The following ACSS2 variants were observed in gnomAD, a reference collection of about 807,000 sequenced individuals.
The protein encoded by ACSS2 is acetyl-coenzyme A synthetase, cytoplasmic.
Under a neutral mutation model 90.6 loss-of-function variants are expected in ACSS2, and 58 were observed. The ratio of observed to expected loss-of-function variants is 0.64; its 90% CI spans 0.52 to 0.80. The LOEUF (loss-of-function observed/expected upper bound fraction) is 0.80, where lower values mean the gene tolerates loss of function less well. ACSS2 is among the 30% of genes least tolerant of loss of function. The pLI is 0.00. For missense variants in ACSS2, 759 were observed against 912.0 expected, an observed-to-expected ratio of 0.83 and a Z score of 2.16; for synonymous variants, 300 against 330.9, an observed-to-expected ratio of 0.91 and a Z score of 1.01.
At chr20:34,883,900 A>G (rs1313653930) in intron 2 of ACSS2, among the ~76,000 whole-genome samples, 2 of 152,176 alleles carry the variant, frequency 1.3e-5, no homozygotes, top group African/African-American at 2.4e-5. Flanking sequence ...GCCACAATCT[A>G]TGAGCACTCA....
intron 1 of ACSS2, among the ~76,000 whole-genome samples, chr20:34,877,107 G>A (rs1332186801): frequency 6.6e-6 from 1 of 152,172 alleles, no homozygotes; most frequent in Non-Finnish European, 1.5e-5. Context: ...GGTTCCTTGA[G>A]ATTGGGACGG....
intron 2 of ACSS2, among the ~76,000 whole-genome samples, chr20:34,896,245 A>G (rs769018483): frequency 1.3e-5 from 2 of 152,240 alleles, no homozygotes; most frequent in Non-Finnish European, 2.9e-5. Context: ...AGCTGGCAAG[A>G]GGACAGGGTA....
In ACSS2 at chr20:34,899,386, C is replaced by T. The variant is rs568406798; in HGVS notation, c.375-13710C>T. On this transcript the variant is annotated intron_variant, in intron 2 of 17. Transcript: ENST00000360596. Reference sequence around the variant, plus strand: ...CCTCTCAACGTTATCACATTTTTTTCTTTCTTTCTTTCTTTCCTTCTTTCT... The same window carrying T: ...CCTCTCAACGTTATCACATTTTTTTTTTTCTTTCTTTCTTTCCTTCTTTCT... Among the ~76,000 whole-genome samples, 7 of 124,880 alleles carry T rather than the reference C, an allele frequency of 5.6e-5. No individual in the cohort carries two copies. The East Asian group carries it at 8.6e-4, about 15-fold the overall frequency. The allele number at this position is 124,880 out of a possible 152,430, so 81.9% of individuals were successfully genotyped here.
intron 8 of ACSS2, 22 bp from the exon 9 acceptor site, chr20:34,920,517 C>CTGT (rs2081172981): frequency 6.2e-7 from 1 of 1,611,402 alleles, no homozygotes. Context: ...AGACCCTAAC[C>CTGT]TGTTCCCCAT....
intron 2 of ACSS2, among the ~76,000 whole-genome samples, chr20:34,897,532 C>A (rs1168090400): frequency 6.6e-6 from 1 of 152,058 alleles, no homozygotes; most frequent in Admixed American, 6.6e-5. Flanking sequence ...TGTTATAGGC[C>A]GGATGCAGTG....
At chr20:34,882,658 G>T in intron 1 of ACSS2, 136 bp from the exon 2 acceptor site, 1 of 715,726 alleles carries the variant, frequency 1.4e-6, no homozygotes, top group Non-Finnish European at 2.3e-6. Flanking sequence ...AGATTAGACA[G>T]GTAAAGAAGG....
intron 2 of ACSS2, among the ~76,000 whole-genome samples, chr20:34,892,890 G>A (rs1018184345): frequency 3.3e-5 from 5 of 152,146 alleles, no homozygotes; most frequent in Non-Finnish European, 7.4e-5. Flanking sequence ...CTAGTCCAGT[G>A]TTCTTGTTTT....
intron 2 of ACSS2, among the ~76,000 whole-genome samples, chr20:34,911,311 C>T (rs529637780): frequency 1.9e-4 from 29 of 151,910 alleles, no homozygotes; most frequent in Non-Finnish European, 4.1e-4. Context: ...CCTCAGCCTC[C>T]CGAGTAGCTG....
At chr20:34,925,656 AC>A (rs1370209866) in intron 14 of ACSS2, 41 bp from the exon 15 acceptor site, 1 of 1,584,852 alleles carries the variant, frequency 6.3e-7, no homozygotes, top group Non-Finnish European at 8.6e-7. Flanking sequence ...CAGGTATCCT[AC>A]CGTAGGGTTT....
At chr20:34,906,155 G>A (rs964902758) in intron 2 of ACSS2, among the ~76,000 whole-genome samples, 2 of 152,150 alleles carry the variant, frequency 1.3e-5, no homozygotes, top group Non-Finnish European at 1.5e-5. Context: ...CTAACACGGT[G>A]AAACCCCGTC....
chr20:34,905,304 A>G (rs1311764722), intron 2 of ACSS2, among the ~76,000 whole-genome samples: 1 of 147,920 alleles, frequency 6.8e-6, no homozygotes, highest in Non-Finnish European at 1.5e-5. Flanking sequence ...TCGGTCGCCC[A>G]GGCTGGAGTG....
At chr20:34,877,818 CAAAAAAAAAAAAAAA>C (rs60819156) in intron 1 of ACSS2, among the ~76,000 whole-genome samples, 8 of 91,222 alleles carry the variant, frequency 8.8e-5, no homozygotes, top group East Asian at 3.6e-4. Context: ...GACTTTGTCT[CAAAAAAAAAAAAAAA>C]AAAAAAAAAA....
intron 2 of ACSS2, chr20:34,912,372 G>GC (rs1427871323): frequency 1.3e-5 from 2 of 152,484 alleles, no homozygotes; most frequent in Non-Finnish European, 2.9e-5. Flanking sequence ...TGCAACCTCT[G>GC]CCTCCTGGGT....
Position 34,921,588 on chromosome 20 carries a change from A to AC in ACSS2, c.1458dup (p.Gly487ArgfsTer17). On this transcript the variant is annotated frameshift_variant, in exon 12 of 18. Transcript: ENST00000360596. LOFTEE classifies it high-confidence loss of function. ...CCCTTCCTGGTGCCACACCCATGAAACCCGGTTCTGCTGTGAGTGATGCTT... is the reference window on the plus strand; with the variant it reads ...CCCTTCCTGGTGCCACACCCATGAAACCCCGGTTCTGCTGTGAGTGATGCTT... The AC allele has an allele frequency of 1.2e-6, 2 of 1,614,020 alleles. No homozygotes were observed. Among genetic ancestry groups the AC allele is most frequent in the Non-Finnish European group, 1.7e-6 (2 of 1,179,994 alleles).
At chr20:34,926,802 A>G in intron 16 of ACSS2, 75 bp from the exon 17 acceptor site, 1 of 1,495,174 alleles carries the variant, frequency 6.7e-7, no homozygotes, top group East Asian at 2.3e-5. Context: ...TGGGGAACAA[A>G]GCCATCTCTA....
At chr20:34,905,006 C>G (rs2080762372) in intron 2 of ACSS2, among the ~76,000 whole-genome samples, 2 of 150,250 alleles carry the variant, frequency 1.3e-5, no homozygotes, top group African/African-American at 2.5e-5. Flanking sequence ...CAGCCTTGAC[C>G]TCCCGGGCTT....
At position 34,921,387 on chromosome 20, in the gene ACSS2, G is replaced by A; in HGVS notation, c.1335G>A (p.Glu445=). The A allele has an allele frequency of 6.2e-7, 1 of 1,614,194 alleles. No homozygotes were observed. The highest frequency in any genetic ancestry group is 1.1e-5 in the South Asian group (1 of 91,070). ...CAGTGGGTGAACCCATCAACCCTGA[G>A]GCCTGGCTATGGTACCACCGGGTGG... is the stretch of plus-strand genomic sequence containing the variant. ...LGTVGEPINP[E]AWLWYHRVVG... The change falls in exon 11 of 18, where the codon GAG becomes GAA. Residue 445 remains glutamate (E), a synonymous_variant. Transcript: ENST00000360596.
chr20:34,877,897 C>CAGATAGATAGGCAGATAGATAGAT (rs1568956392), intron 1 of ACSS2, among the ~76,000 whole-genome samples: 1 of 91,132 alleles, frequency 1.1e-5, no homozygotes, highest in South Asian at 4.0e-4. Flanking sequence ...GGGTAAAGGA[C>CAGATAGATAGGCAGATAGATAGAT]AGATAGATAG....
chr20:34,898,852 G>A (rs2080542576), intron 2 of ACSS2, among the ~76,000 whole-genome samples: 1 of 152,078 alleles, frequency 6.6e-6, no homozygotes, highest in South Asian at 2.1e-4. Context: ...TGAGCAGGGG[G>A]CGGTGCTCGT....
Sources: allele counts gnomAD v4.1 joint callset (sites outside exome capture counted in the v4.1 genomes callset), GRCh38; gene constraint gnomAD v4.1.1; transcripts MANE v1.5; gene names NCBI Gene and HGNC (gene_info 2026-07-23, HGNC 2026-07-21).